Variants in CDH20 observed in about 807,000 individuals in gnomAD.
CDH20 encodes the protein cadherin-20.
A neutral mutation model predicts 74.2 loss-of-function variants in CDH20; 29 were observed. The ratio of observed to expected loss-of-function variants is 0.39; its 90% CI spans 0.29 to 0.53. CDH20 has a LOEUF of 0.53. CDH20 is among the 20% of genes least tolerant of loss of function. CDH20 has a pLI of 0.69. For missense variants in CDH20, 988 were observed against 1,048.3 expected, an observed-to-expected ratio of 0.94 and a Z score of 0.79; for synonymous variants, 469 against 405.4, an observed-to-expected ratio of 1.16 and a Z score of -1.88.
At chr18:61,520,329 A>AAAG (rs1370476440) in intron 6 of CDH20, among the ~76,000 whole-genome samples, 7 of 136,606 alleles carry the variant, frequency 5.1e-5, no homozygotes, top group Non-Finnish European at 9.6e-5. Flanking sequence ...AAAAAAAAAA[A>AAAG]AAAAGACAAA....
At chr18:61,348,453 A>G (rs1910203627) in intron 1 of CDH20, among the ~76,000 whole-genome samples, 1 of 152,062 alleles carries the variant, frequency 6.6e-6, no homozygotes, top group Non-Finnish European at 1.5e-5. Context: ...TTTCTCTCCC[A>G]CCAGCTGAGT....
In CDH20 at chr18:61,450,349, A is replaced by G. The variant is rs1303558716; in HGVS notation, c.-152-40053A>G. 2.0e-5 allele frequency among the ~76,000 whole-genome samples: 3 copies of G among 150,974 alleles called. No homozygotes were observed. The East Asian group carries it at 5.9e-4, about 29-fold the overall frequency. Reference sequence around the variant, plus strand: ...AGGTAATTATCCCAATCAAGGTCACACAGCCAGAGGAAAATGAAGATGAAA... The same window carrying G: ...AGGTAATTATCCCAATCAAGGTCACGCAGCCAGAGGAAAATGAAGATGAAA... On this transcript the variant is annotated intron_variant, in intron 1 of 11. Transcript: ENST00000262717.
At chr18:61,334,498 G>C (rs750647437) in intron 1 of CDH20, 1 of 152,318 alleles carries the variant, frequency 6.6e-6, no homozygotes, top group Non-Finnish European at 1.5e-5. Context: ...AATTGCGCTC[G>C]CTGTTTGGTT....
intron 1 of CDH20, among the ~76,000 whole-genome samples, chr18:61,441,293 G>A (rs73449404): frequency 0.011 from 1,602 of 152,220 alleles, 28 homozygotes; most frequent in African/African-American, 0.037. Flanking sequence ...AATCTACTCA[G>A]TGGTGGTATT....
At chr18:61,538,647 C>A (rs561519213) in intron 8 of CDH20, among the ~76,000 whole-genome samples, 1 of 87,044 alleles carries the variant, frequency 1.1e-5, no homozygotes, top group Non-Finnish European at 2.2e-5. Context: ...GAGACGGAGT[C>A]TTACTCTTTT....
chr18:61,340,046 C>T (rs1909895401), intron 1 of CDH20, among the ~76,000 whole-genome samples: 1 of 152,036 alleles, frequency 6.6e-6, no homozygotes, highest in South Asian at 2.1e-4. Flanking sequence ...TCCAACCATA[C>T]AACCACAACT....
chr18:61,535,771 A>G (rs544208975), intron 7 of CDH20, among the ~76,000 whole-genome samples: 3 of 152,348 alleles, frequency 2.0e-5, no homozygotes, highest in South Asian at 4.1e-4. Context: ...GAACGCAAAG[A>G]TCCATTTTTG....
chr18:61,406,126 G>A (rs928957710), intron 1 of CDH20, among the ~76,000 whole-genome samples: 2 of 151,792 alleles, frequency 1.3e-5, no homozygotes, highest in Non-Finnish European at 2.9e-5. Context: ...ATTTGAGTGG[G>A]TTTAAAAAAA....
At chr18:61,417,301 GTATT>G in intron 1 of CDH20, among the ~76,000 whole-genome samples, 1 of 151,924 alleles carries the variant, frequency 6.6e-6, no homozygotes, top group East Asian at 1.9e-4. Context: ...ACCTGTAAGG[GTATT>G]TAGACATTAT....
At chr18:61,362,276 C>T (rs1252245938) in intron 1 of CDH20, among the ~76,000 whole-genome samples, 1 of 152,038 alleles carries the variant, frequency 6.6e-6, no homozygotes, top group East Asian at 1.9e-4. Context: ...ATGTGAGTAA[C>T]CCACATACCC....
intron 1 of CDH20, among the ~76,000 whole-genome samples, chr18:61,449,444 A>G (rs1909309251): frequency 6.6e-6 from 1 of 152,106 alleles, no homozygotes; most frequent in Admixed American, 6.6e-5. Flanking sequence ...ATTTATATAT[A>G]TATTGTCTCT....
At chr18:61,411,197 GA>G (rs35401750) in intron 1 of CDH20, among the ~76,000 whole-genome samples, 118,300 of 141,858 alleles carry the variant, frequency 0.83, 49,100 homozygotes, top group African/African-American at 0.89. Context: ...GACTCTGTCT[GA>G]AAAAAAAAAA....
At chr18:61,392,168 T>C (rs1911806468) in intron 1 of CDH20, among the ~76,000 whole-genome samples, 1 of 152,056 alleles carries the variant, frequency 6.6e-6, no homozygotes, top group South Asian at 2.1e-4. Flanking sequence ...TTTTCAGTTC[T>C]GCTCCCACCC....
intron 1 of CDH20, among the ~76,000 whole-genome samples, chr18:61,336,841 C>G (rs977258099): frequency 6.7e-6 from 1 of 149,882 alleles, no homozygotes; most frequent in African/African-American, 2.5e-5. Flanking sequence ...GAGAATAGGT[C>G]TTTTCACCCT....
intron 1 of CDH20, among the ~76,000 whole-genome samples, chr18:61,423,513 A>C (rs1025819646): frequency 3.9e-5 from 6 of 152,178 alleles, no homozygotes; most frequent in African/African-American, 1.4e-4. Flanking sequence ...GACTCCCCTG[A>C]ATATGCTACA....
chr18:61,521,947 C>T (rs1912225313), intron 6 of CDH20, among the ~76,000 whole-genome samples: 2 of 152,142 alleles, frequency 1.3e-5, no homozygotes, highest in Non-Finnish European at 2.9e-5. Context: ...TTATGACAAA[C>T]CCACAGCCAA....
intron 1 of CDH20, among the ~76,000 whole-genome samples, chr18:61,402,225 T>C (rs1306353714): frequency 6.6e-6 from 1 of 152,138 alleles, no homozygotes; most frequent in African/African-American, 2.4e-5. Context: ...TTTTGAAAGT[T>C]AGACACTAAA....
At chr18:61,520,907 G>A (rs1343007414) in intron 6 of CDH20, among the ~76,000 whole-genome samples, 1 of 151,114 alleles carries the variant, frequency 6.6e-6, no homozygotes, top group Non-Finnish European at 1.5e-5. Flanking sequence ...CAGAATCTCT[G>A]GGACACCGCT....
Position 61,405,405 on chromosome 18 carries a change from C to T in CDH20, c.-153+71578C>T, listed in dbSNP as rs186492357. 5.6e-4 allele frequency among the ~76,000 whole-genome samples: 85 copies of T among 152,084 alleles called. 1 individual carries two copies. The highest frequency in any genetic ancestry group is 2.0e-3 in the African/African-American group (83 of 41,468). ...GTCTGAGACCAGCCTGGGCAATATA[C>T]CAAGACCCCCATCTTTAAAAAATAA... On this transcript the variant is annotated intron_variant, in intron 1 of 11. Coordinates refer to ENST00000262717, the MANE Select transcript of CDH20 (RefSeq NM_031891.4).
Sources: allele counts gnomAD v4.1 joint callset (sites outside exome capture counted in the v4.1 genomes callset), GRCh38; gene constraint gnomAD v4.1.1; transcripts MANE v1.5; gene names NCBI Gene and HGNC (gene_info 2026-07-23, HGNC 2026-07-21).